Variants in ZNF555 observed in about 807,000 individuals in gnomAD.
ZNF555 encodes zinc finger protein 555.
A neutral mutation model predicts 14.0 loss-of-function variants in ZNF555; 10 were observed. That is an observed-to-expected ratio of 0.72 (90% CI 0.44 to 1.21). The LOEUF is 1.21. ZNF555 is among the 50% of genes most tolerant of loss of function. The pLI is 0.00. For missense variants in ZNF555, 747 were observed against 762.0 expected (o/e 0.98, Z 0.23); for synonymous variants, 277 against 262.4 (o/e 1.06, Z -0.54).
Position 2,856,055 on chromosome 19 carries a change from C to T in ZNF555, c.*2103C>T, listed in dbSNP as rs1303653905. 6.6e-6 allele frequency: 1 copy of T among 151,684 alleles called. No homozygotes were observed. Among genetic ancestry groups the T allele is most frequent in the Non-Finnish European group, 1.5e-5 (1 of 67,936 alleles). 9.4% of individuals were successfully genotyped at this position (151,684 alleles called of 1,614,324 possible). On this transcript the variant is annotated 3_prime_UTR_variant, in exon 4 of 4. Coordinates refer to ENST00000334241, the MANE Select transcript of ZNF555 (RefSeq NM_152791.5). Reference sequence around the variant, plus strand: ...CTAAGAAATGTTATTTTTTGTTTACCGAGAGAATTACAGATTTCAAATCAA... The same window carrying T: ...CTAAGAAATGTTATTTTTTGTTTACTGAGAGAATTACAGATTTCAAATCAA...
Position 2,858,803 on chromosome 19 carries a change from T to C in ZNF555, c.*4851T>C, listed in dbSNP as rs938498151. The C allele has an allele frequency of 1.3e-5, 2 of 152,320 alleles. No individual in the cohort carries two copies. Among genetic ancestry groups the C allele is most frequent in the Non-Finnish European group, 1.5e-5 (1 of 68,114 alleles). The allele number at this position is 152,320 out of a possible 1,614,324, so 9.4% of individuals were successfully genotyped here. On this transcript the variant is annotated 3_prime_UTR_variant, in exon 4 of 4. Transcript: ENST00000334241. The stretch of plus-strand genomic sequence containing the variant: ...AACATCTCCCATGACATCACAAAGA[T>C]GCCCAGCTGGGACCCACCTACAGTG...
chr19:2,841,904 C>G (rs2144839683), intron 1 of ZNF555, among the ~76,000 whole-genome samples: 1 of 151,794 alleles, frequency 6.6e-6, no homozygotes, highest in African/African-American at 2.4e-5. Context: ...GGGGCCGCGA[C>G]GCCTCGGAGC....
At position 2,853,543 on chromosome 19, in the gene ZNF555, T is replaced by C; in HGVS notation, c.1478T>C (p.Ile493Thr). Reference protein sequence around the residue: ...KLCGKAFYCHISLQKHMRRHT... With the variant: ...KLCGKAFYCHTSLQKHMRRHT... Reference sequence around the variant, plus strand: ...TGTGGGAAAGCTTTCTATTGCCACATATCCTTACAAAAACATATGAGAAGA... The same window carrying C: ...TGTGGGAAAGCTTTCTATTGCCACACATCCTTACAAAAACATATGAGAAGA... The change falls in exon 4 of 4, where the codon ATA becomes ACA. Residue 493 changes from isoleucine (I) to threonine (T), a missense_variant. By Grantham distance (89) the Ile-to-Thr change is moderately conservative. Transcript: ENST00000334241. The C allele has an allele frequency of 6.2e-7, 1 of 1,611,088 alleles. No individual in the cohort carries two copies.
chr19:2,851,599 TG>T lies in ZNF555; in HGVS notation c.265del (p.Asp89ThrfsTer52). 2 of 1,611,572 alleles carry T rather than the reference TG, an allele frequency of 1.2e-6. No homozygotes were observed. The highest frequency in any genetic ancestry group is 3.3e-4 in the Middle Eastern group (2 of 6,056). ...CTGGGCCTCTGTTTTAGGAAAAATTTGGGACAGTCTTAGCATCGAAGATCAA... is the reference window on the plus strand; with the variant it reads ...CTGGGCCTCTGTTTTAGGAAAAATTTGGACAGTCTTAGCATCGAAGATCAA... ...VSWASVLGKI[W>X]DSLSIEDQTT... On this transcript the variant is annotated frameshift_variant, in exon 3 of 4. Transcript: ENST00000334241. LOFTEE classifies it high-confidence loss of function.
chr19:2,842,403 G>A (rs1048896291), intron 1 of ZNF555, among the ~76,000 whole-genome samples: 1 of 152,328 alleles, frequency 6.6e-6, no homozygotes, highest in South Asian at 2.1e-4. Context: ...AAAAGCAAAC[G>A]CACGCAGACC....
rs1296293930 is a variant in ZNF555, at chr19:2,853,095, CAA to C, written c.1031_1032del (p.Gln344LeufsTer15). The C allele has an allele frequency of 3.1e-6, 5 of 1,613,946 alleles. No individual in the cohort carries two copies. The highest frequency in any genetic ancestry group is 4.2e-6 in the Non-Finnish European group (5 of 1,180,014). On this transcript the variant is annotated frameshift_variant, in exon 4 of 4. Transcript: ENST00000334241. LOFTEE classifies it low-confidence loss of function (END_TRUNC). Reference sequence around the variant, plus strand: ...TGGAGAGAAACCCTACGAATGCAAACAATGTGGGAAAACCTTCATTTATCTCC... The same window carrying C: ...TGGAGAGAAACCCTACGAATGCAAACTGTGGGAAAACCTTCATTTATCTCC... ...HTGEKPYECK[Q>X]CGKTFIYLQS...
intron 1 of ZNF555, 149 bp downstream of exon 1, chr19:2,841,724 C>G: frequency 1.1e-6 from 1 of 951,878 alleles, no homozygotes; most frequent in Non-Finnish European, 1.4e-6. Flanking sequence ...GGGTCCCGCC[C>G]GGCCCCGCCT....
rs368107097 is a variant in ZNF555 at position 2,853,485 on chromosome 19, C to A, written c.1420C>A (p.His474Asn). The A allele has an allele frequency of 8.7e-6, 14 of 1,614,030 alleles. No individual in the cohort carries two copies. The highest frequency in any genetic ancestry group is 1.2e-5 in the Non-Finnish European group (14 of 1,180,034). Residue 474 changes from histidine to asparagine, a missense_variant, in exon 4 of 4, where the codon CAC becomes AAC. Transcript: ENST00000334241. ...SACFREHVRM[H>N]PEDKSYECKL... The stretch of plus-strand genomic sequence containing the variant: ...TTGCTTTCGAGAACATGTGAGAATG[C>A]ACCCTGAAGACAAATCCTATGAATG...
In ZNF555 at chr19:2,860,327, C is replaced by T. The variant is rs2144868680; in HGVS notation, c.*6375C>T. On this transcript the variant is annotated 3_prime_UTR_variant, in exon 4 of 4. Coordinates refer to ENST00000334241, the MANE Select transcript of ZNF555 (RefSeq NM_152791.5). Reference sequence around the variant, plus strand: ...GTGAATGTCCATGTGTCTCACTGCACAGCTGTGATTTTTCTGTGTCTCTGT... The same window carrying T: ...GTGAATGTCCATGTGTCTCACTGCATAGCTGTGATTTTTCTGTGTCTCTGT... The T allele has an allele frequency of 6.6e-6, 1 of 152,182 alleles. No homozygotes were observed. Among genetic ancestry groups the T allele is most frequent in the South Asian group, 2.1e-4 (1 of 4,806 alleles). The allele number at this position is 152,182 out of a possible 1,614,324, so 9.4% of individuals were successfully genotyped here. A position where few individuals can be genotyped will look rare whatever the true frequency, so the allele number is the denominator to read the frequency against.
At chr19:2,847,582 G>C (rs2087592465) in intron 1 of ZNF555, among the ~76,000 whole-genome samples, 1 of 152,078 alleles carries the variant, frequency 6.6e-6, no homozygotes, top group Admixed American at 6.6e-5. Context: ...AGTAGATGCA[G>C]GTTCAAATCC....
intron 1 of ZNF555, among the ~76,000 whole-genome samples, chr19:2,845,770 T>C (rs555603641): frequency 2.3e-4 from 35 of 152,230 alleles, no homozygotes; most frequent in African/African-American, 6.3e-4. Context: ...AGGTGGCTTA[T>C]TAAGTTTCTG....
chr19:2,848,966 C>T (rs1479234138), intron 1 of ZNF555, among the ~76,000 whole-genome samples: 3 of 152,168 alleles, frequency 2.0e-5, no homozygotes, highest in Non-Finnish European at 2.9e-5. Flanking sequence ...AGGATAGAGT[C>T]TAAGGCCCGC....
chr19:2,852,313 GTCCTAA>G (rs1568344184), intron 3 of ZNF555, 61 bp from the exon 4 acceptor site: 7 of 1,590,682 alleles, frequency 4.4e-6, no homozygotes, highest in Non-Finnish European at 6.0e-6. Context: ...TTAAGATGCA[GTCCTAA>G]TCCTAATAAA....
At chr19:2,844,098 CTTTTT>C (rs1215032735) in intron 1 of ZNF555, among the ~76,000 whole-genome samples, 1 of 58,130 alleles carries the variant, frequency 1.7e-5, no homozygotes, top group Admixed American at 2.8e-4. Flanking sequence ...TCTCTCTTTT[CTTTTT>C]TTTTTTTTTT....
In ZNF555 at chr19:2,855,693, G is replaced by T. The variant is rs913430181; in HGVS notation, c.*1741G>T. The T allele has an allele frequency of 4.6e-4, 70 of 152,156 alleles. No homozygotes were observed. The highest frequency in any genetic ancestry group is 1.4e-3 in the African/African-American group (60 of 41,414). 9.4% of individuals were successfully genotyped at this position (152,156 alleles called of 1,614,324 possible). On this transcript the variant is annotated 3_prime_UTR_variant, in exon 4 of 4. Transcript: ENST00000334241. Reference sequence around the variant, plus strand: ...AACAAACTTTTTGTTTCTCAGTTCTGGACCCAGAAATCCAGAAACAAGGCA... The same window carrying T: ...AACAAACTTTTTGTTTCTCAGTTCTTGACCCAGAAATCCAGAAACAAGGCA...
At chr19:2,849,183 A>G (rs950547562) in intron 1 of ZNF555, among the ~76,000 whole-genome samples, 1 of 151,946 alleles carries the variant, frequency 6.6e-6, no homozygotes, top group Non-Finnish European at 1.5e-5. Flanking sequence ...TCTCCTGCTC[A>G]TAGACGGAAA....
chr19:2,852,175 G>A (rs1205889095), intron 3 of ZNF555, among the ~76,000 whole-genome samples: 1 of 151,396 alleles, frequency 6.6e-6, no homozygotes, highest in Admixed American at 6.6e-5. Flanking sequence ...GAAAGAGAAA[G>A]AAACCCTATA....
chr19:2,850,931 TGTC>T (rs2087623926), intron 2 of ZNF555, among the ~76,000 whole-genome samples: 1 of 152,156 alleles, frequency 6.6e-6, no homozygotes, highest in African/African-American at 2.4e-5. Context: ...GCTCCCTTCA[TGTC>T]GTCATTGTGG....
chr19:2,849,333 T>C (rs2087608488), intron 1 of ZNF555, among the ~76,000 whole-genome samples: 1 of 152,130 alleles, frequency 6.6e-6, no homozygotes, highest in Non-Finnish European at 1.5e-5. Context: ...CACTTCCTCC[T>C]GGAATTTGAG....
Sources: gnomAD v4.1 joint callset for allele counts (sites outside exome capture counted in the v4.1 genomes callset) on GRCh38, gnomAD v4.1.1 for gene constraint, MANE v1.5 for transcripts, NCBI Gene and HGNC (gene_info 2026-07-23, HGNC 2026-07-21) for gene names.